The following SLC25A28 variants were observed in gnomAD, a reference collection of about 807,000 sequenced individuals.
SLC25A28 encodes the protein solute carrier family 25 member 28, also known as mitoferrin-2.
In SLC25A28, 10 loss-of-function variants were observed where a neutral mutation model predicts 31.9. The observed-to-expected ratio is 0.31, with a 90% confidence interval of 0.19 to 0.53. The LOEUF is 0.53. Ranked by LOEUF, SLC25A28 falls within the 20% of genes least tolerant of loss-of-function variation. SLC25A28 has a pLI of 0.95. For missense variants in SLC25A28, 256 were observed against 490.3 expected, an observed-to-expected ratio of 0.52 and a Z score of 4.51; for synonymous variants, 208 against 203.6, an observed-to-expected ratio of 1.02 and a Z score of -0.19.
intron 3 of SLC25A28, among the ~76,000 whole-genome samples, chr10:99,612,057 C>T (rs530511520): frequency 3.3e-5 from 5 of 152,290 alleles, no homozygotes; most frequent in African/African-American, 4.8e-5. Flanking sequence ...GAGAATTTTC[C>T]TCCGACTGAA....
In SLC25A28 at chr10:99,611,417, A is replaced by G. The variant is rs2034521541; in HGVS notation, c.578-51T>C. 1 of 1,595,362 alleles carries G rather than the reference A, an allele frequency of 6.3e-7. No individual in the cohort carries two copies. Among genetic ancestry groups the G allele is most frequent in the African/African-American group, 1.3e-5 (1 of 74,648 alleles). On this transcript the variant is annotated intron_variant, in intron 3 of 3. Transcript: ENST00000370495. This position sits in a 1 kb window ranked among gnomAD's most constrained non-coding sequence, Gnocchi z 5.5. ...AAATGGTGACAGCAGCCAACCGGTG[A>G]TGGAGAGTATCCAGATTCAGAGCCC... is the stretch of plus-strand genomic sequence containing the variant.
the SLC25A28 span, among the ~76,000 whole-genome samples, chr10:99,642,455 AG>A: frequency 1.3e-5 from 2 of 152,174 alleles, no homozygotes; most frequent in Non-Finnish European, 2.9e-5. Context: ...TATCAGCTTA[AG>A]GAGGTTTTGG....
chr10:99,616,236 G>A (rs1446127133), intron 1 of SLC25A28: 4 of 976,108 alleles, frequency 4.1e-6, no homozygotes, highest in Non-Finnish European at 4.9e-6. Flanking sequence ...CCACATTTGA[G>A]TCAAAAAGCC....
rs1159491394 is a variant in SLC25A28 at position 99,611,857 on chromosome 10, A to G, written c.578-491T>C. Among the ~76,000 whole-genome samples, 1 of 152,220 alleles carries G rather than the reference A, an allele frequency of 6.6e-6. No individual in the cohort carries two copies. Among genetic ancestry groups the G allele is most frequent in the Non-Finnish European group, 1.5e-5 (1 of 68,032 alleles). ...AAGTTCTACCAAAGAAAAGATTCTTAGCCAAAAAGAGTTGGCTTTAGTCTT... is the reference window on the plus strand; with the variant it reads ...AAGTTCTACCAAAGAAAAGATTCTTGGCCAAAAAGAGTTGGCTTTAGTCTT... On this transcript the variant is annotated intron_variant, in intron 3 of 3. Transcript: ENST00000370495. The surrounding 1 kb of genome is among the most constrained non-coding windows in gnomAD (Gnocchi z 5.5).
At chr10:99,650,095 T>C in the SLC25A28 span, among the ~76,000 whole-genome samples, 1 of 152,220 alleles carries the variant, frequency 6.6e-6, no homozygotes, top group African/African-American at 2.4e-5. Context: ...CCTCTTAGGA[T>C]TGCTTTTGCT....
At chr10:99,650,444 G>C in the SLC25A28 span, among the ~76,000 whole-genome samples, 3 of 151,946 alleles carry the variant, frequency 2.0e-5, no homozygotes, top group Admixed American at 1.3e-4. Flanking sequence ...ATGTGTAGGA[G>C]AGCCTGGTTT....
At chr10:99,643,113 A>G in the SLC25A28 span, among the ~76,000 whole-genome samples, 1 of 152,026 alleles carries the variant, frequency 6.6e-6, no homozygotes, top group Non-Finnish European at 1.5e-5. Context: ...CTCTTTTTCT[A>G]TTGATTGGAA....
At chr10:99,634,050 C>T in the SLC25A28 span, among the ~76,000 whole-genome samples, 22 of 152,172 alleles carry the variant, frequency 1.4e-4, no homozygotes, top group African/African-American at 4.8e-4. Flanking sequence ...AAAGAGATAA[C>T]AATCATTGCA....
chr10:99,624,064 CCTTCTCTTTCTTCCTTCCTTT>C (rs1361342387), upstream of SLC25A28, among the ~76,000 whole-genome samples: 92 of 151,196 alleles, frequency 6.1e-4, no homozygotes, highest in African/African-American at 2.2e-3. Context: ...TCCCTTCCTT[CCTTCTCTTTCTTCCTTCCTTT>C]CTTCTCTTTC....
At chr10:99,653,460 T>G in the SLC25A28 span, among the ~76,000 whole-genome samples, 1 of 152,152 alleles carries the variant, frequency 6.6e-6, no homozygotes, top group Non-Finnish European at 1.5e-5. Flanking sequence ...TGCAACCTCA[T>G]GAGAAGATCC....
Position 99,612,593 on chromosome 10 carries a change from G to C in SLC25A28, c.527C>G (p.Ala176Gly). 1 of 1,614,150 alleles carries C rather than the reference G, an allele frequency of 6.2e-7. No homozygotes were observed. The change falls in exon 3 of 4, where the codon GCC becomes GGC. Residue 176 changes from alanine to glycine, a missense_variant. Ala to Gly is a moderately conservative substitution (Grantham distance 60). Around this residue, in one of 4 missense-constraint regions of SLC25A28, gnomAD observed 158 missense variants for 379.1 expected, o/e 0.42. Coordinates refer to ENST00000370495, the MANE Select transcript of SLC25A28 (RefSeq NM_031212.4). ...ATGAAGTAATGTTGCCACACACCCG[G>C]CCGCACCTGCAAACAAGAAAACAAC... ...GGNSHIANGA[A>G]GCVATLLHDA...
At chr10:99,648,688 T>TG in the SLC25A28 span, among the ~76,000 whole-genome samples, 1 of 145,296 alleles carries the variant, frequency 6.9e-6, no homozygotes, top group Non-Finnish European at 1.5e-5. Context: ...ATTCCTAGGT[T>TG]TTTTTTTTTT....
chr10:99,654,485 A>G, the SLC25A28 span, among the ~76,000 whole-genome samples: 3 of 151,912 alleles, frequency 2.0e-5, no homozygotes, highest in Non-Finnish European at 4.4e-5. Flanking sequence ...ACATGGTAAA[A>G]CCCCGTCTCT....
the SLC25A28 span, among the ~76,000 whole-genome samples, chr10:99,631,882 T>TA: frequency 2.1e-5 from 2 of 94,056 alleles, no homozygotes; most frequent in East Asian, 5.3e-4. Context: ...TATGTTATTT[T>TA]TTTTTTTTAT....
At position 99,610,811 on chromosome 10, in the gene SLC25A28, C is replaced by T. The variant is rs762842230; in HGVS notation, c.*38G>A. ...GACAGAGAATGTGACCAGGATGCAG[C>T]AGTGTCATCTGAACCCCTGGCTTCG... On this transcript the variant is annotated 3_prime_UTR_variant, in exon 4 of 4. Coordinates refer to ENST00000370495, the MANE Select transcript of SLC25A28 (RefSeq NM_031212.4). 1 of 1,589,758 alleles carries T rather than the reference C, an allele frequency of 6.3e-7. No homozygotes were observed.
intron 1 of SLC25A28, among the ~76,000 whole-genome samples, chr10:99,614,161 C>T (rs76051653): frequency 0.038 from 5,858 of 152,250 alleles, 373 homozygotes; most frequent in African/African-American, 0.13. Flanking sequence ...ATAATCCCAC[C>T]TATTGCTAAG....
the SLC25A28 span, among the ~76,000 whole-genome samples, chr10:99,637,623 C>A: frequency 6.6e-6 from 1 of 152,166 alleles, no homozygotes; most frequent in Non-Finnish European, 1.5e-5. Context: ...AAATCAGTAG[C>A]TCTCCTATAC....
the SLC25A28 span, among the ~76,000 whole-genome samples, chr10:99,642,568 G>A: frequency 6.6e-6 from 1 of 152,044 alleles, no homozygotes; most frequent in African/African-American, 2.4e-5. Flanking sequence ...TTTTTCTCCT[G>A]CCTGATTGCC....
chr10:99,620,837 G>A (rs1013773968), upstream of SLC25A28: 5 of 985,368 alleles, frequency 5.1e-6, no homozygotes, highest in East Asian at 1.1e-4. Context: ...GCCGACTTCG[G>A]GCCCCTCACT....
Sources: allele counts gnomAD v4.1 joint callset (sites outside exome capture counted in the v4.1 genomes callset), GRCh38; gene constraint gnomAD v4.1.1; regional missense constraint gnomAD v4.1.1; non-coding constraint Gnocchi (gnomAD v3.1); transcripts MANE v1.5; gene names NCBI Gene and HGNC (gene_info 2026-07-23, HGNC 2026-07-21).